GRM1: variants seen among roughly 807,000 people sequenced by gnomAD.
GRM1 encodes the protein metabotropic glutamate receptor 1.
In GRM1, 33 loss-of-function variants were observed where a neutral mutation model predicts 90.9. The observed-to-expected ratio is 0.36, with a 90% CI of 0.28 to 0.49. The LOEUF (loss-of-function observed/expected upper bound fraction) is 0.49. Ranked by LOEUF, GRM1 falls within the 20% of genes least tolerant of loss-of-function variation. The pLI, the probability that GRM1 is intolerant of heterozygous loss-of-function variation, is 0.99. For synonymous variants in GRM1, 700 were observed against 613.2 expected (o/e 1.14, Z -2.09); for missense variants, 1,190 against 1,534.3 (o/e 0.78, Z 3.75).
At chr6:146,212,322 T>C (rs147574463) in intron 2 of GRM1, among the ~76,000 whole-genome samples, 29 of 152,362 alleles carry the variant, frequency 1.9e-4, no homozygotes, top group Non-Finnish European at 4.1e-4. Flanking sequence ...TAATTAATAC[T>C]AATTGACTAT....
chr6:146,271,391 A>G (rs977897073), intron 2 of GRM1, among the ~76,000 whole-genome samples: 2 of 151,968 alleles, frequency 1.3e-5, no homozygotes, highest in African/African-American at 2.4e-5. Flanking sequence ...ACCAGACTGT[A>G]ATGAGGTAGG....
intron 1 of GRM1, among the ~76,000 whole-genome samples, chr6:146,120,575 T>A (rs1434167373): frequency 1.3e-5 from 2 of 152,208 alleles, no homozygotes; most frequent in Admixed American, 6.5e-5. Flanking sequence ...GCTGTGGGTT[T>A]GTCATAAATA....
intron 2 of GRM1, among the ~76,000 whole-genome samples, chr6:146,266,231 T>C (rs1287127167): frequency 1.3e-5 from 2 of 152,120 alleles, no homozygotes; most frequent in African/African-American, 4.8e-5. Context: ...AAAACTACAA[T>C]ATATGTTAGT....
At position 146,343,303 on chromosome 6, in the gene GRM1, C is replaced by A. The variant is rs1336120647; in HGVS notation, c.1187-8947C>A. Among the ~76,000 whole-genome samples, 4 of 152,132 alleles carry A rather than the reference C, an allele frequency of 2.6e-5. No individual in the cohort carries two copies. The East Asian group carries it at 7.7e-4, about 29-fold the overall frequency. ...TCGTGTTTACCAGACTTACCATAAACTTACTTTTTATGGCTTTTTAAAAAA... is the reference window on the plus strand; with the variant it reads ...TCGTGTTTACCAGACTTACCATAAAATTACTTTTTATGGCTTTTTAAAAAA... On this transcript the variant is annotated intron_variant, in intron 3 of 7. Transcript: ENST00000282753.
chr6:146,125,472 T>C (rs2128878583), intron 1 of GRM1, among the ~76,000 whole-genome samples: 1 of 148,642 alleles, frequency 6.7e-6, no homozygotes, highest in African/African-American at 2.5e-5. Context: ...TGCCCCCCCC[T>C]CAACTTTCTC....
intron 1 of GRM1, among the ~76,000 whole-genome samples, chr6:146,059,182 C>G (rs1196625520): frequency 6.6e-6 from 1 of 152,058 alleles, no homozygotes; most frequent in Non-Finnish European, 1.5e-5. Context: ...GCAGCTATAG[C>G]TTCATGAAAT....
At chr6:146,283,426 C>G (rs1782650577) in intron 2 of GRM1, among the ~76,000 whole-genome samples, 1 of 152,106 alleles carries the variant, frequency 6.6e-6, no homozygotes, top group South Asian at 2.1e-4. Context: ...TGTGAGCTAG[C>G]AAGGCACAAG....
chr6:146,202,956 G>A (rs1779354267), intron 2 of GRM1, among the ~76,000 whole-genome samples: 1 of 152,046 alleles, frequency 6.6e-6, no homozygotes, highest in Admixed American at 6.6e-5. Context: ...AGCACTTTGG[G>A]AGGCCAAGGC....
chr6:146,114,065 G>C (rs975686457), intron 1 of GRM1, among the ~76,000 whole-genome samples: 1 of 152,092 alleles, frequency 6.6e-6, no homozygotes, highest in African/African-American at 2.4e-5. Flanking sequence ...GACACGTGTT[G>C]AAATTGAAAA....
At chr6:146,324,742 C>A (rs75520669) in intron 3 of GRM1, among the ~76,000 whole-genome samples, 1 of 152,146 alleles carries the variant, frequency 6.6e-6, no homozygotes, top group Non-Finnish European at 1.5e-5. Context: ...ACTCACCCCC[C>A]GTGGGCTGCA....
chr6:146,071,870 A>C (rs1023991235), intron 1 of GRM1, among the ~76,000 whole-genome samples: 53 of 152,062 alleles, frequency 3.5e-4, no homozygotes, highest in Non-Finnish European at 5.9e-5. Context: ...GCTGCTACTG[A>C]AGTTAGTATG....
chr6:146,386,915 G>A lies in GRM1; in HGVS notation c.1628G>A (p.Cys543Tyr). ...IKVIRKGEVS[C>Y]CWICTACKEN... ...GTTATACGGAAAGGAGAAGTGAGCT[G>A]CTGCTGGATTTGCACGGCCTGCAAA... Residue 543 changes from cysteine (C) to tyrosine (Y), a missense_variant, in exon 6 of 8, where the codon TGC (cysteine) becomes TAC (tyrosine). By Grantham distance (194) the Cys-to-Tyr change is radical (BLOSUM62 -2). Coordinates refer to ENST00000282753, the MANE Select transcript of GRM1 (RefSeq NM_001278064.2). The A allele has an allele frequency of 6.2e-7, 1 of 1,610,568 alleles. No individual in the cohort carries two copies. The highest frequency in any genetic ancestry group is 8.5e-7 in the Non-Finnish European group (1 of 1,176,962).
intron 2 of GRM1, among the ~76,000 whole-genome samples, chr6:146,300,727 C>A (rs1783347908): frequency 6.6e-6 from 1 of 151,924 alleles, no homozygotes; most frequent in South Asian, 2.1e-4. Context: ...GGCTGGGTCA[C>A]TACCCAGCAC....
chr6:146,081,460 A>C (rs1302276588), intron 1 of GRM1, among the ~76,000 whole-genome samples: 1 of 152,190 alleles, frequency 6.6e-6, no homozygotes. Context: ...TGAAAAGAGA[A>C]AAAGAGGAAC....
At chr6:146,078,503 T>C (rs1776261882) in intron 1 of GRM1, among the ~76,000 whole-genome samples, 1 of 152,176 alleles carries the variant, frequency 6.6e-6, no homozygotes, top group African/African-American at 2.4e-5. Context: ...ATAGTTAATA[T>C]GCTGGGAAAG....
intron 2 of GRM1, among the ~76,000 whole-genome samples, chr6:146,220,396 A>AT (rs1446044893): frequency 6.6e-6 from 1 of 152,102 alleles, no homozygotes; most frequent in Non-Finnish European, 1.5e-5. Flanking sequence ...AGAGTATGCT[A>AT]TTTTAATATT....
chr6:146,260,833 TTTTTG>T (rs1781669306), intron 2 of GRM1, among the ~76,000 whole-genome samples: 1 of 131,778 alleles, frequency 7.6e-6, no homozygotes, highest in African/African-American at 3.0e-5. Flanking sequence ...TTTTTTTTTT[TTTTTG>T]CAATTGAGGT....
At chr6:146,282,878 G>T (rs1782625773) in intron 2 of GRM1, among the ~76,000 whole-genome samples, 1 of 152,154 alleles carries the variant, frequency 6.6e-6, no homozygotes, top group African/African-American at 2.4e-5. Flanking sequence ...TAACTGAGAA[G>T]AAATAACATT....
At chr6:146,257,630 A>G (rs1781534726) in intron 2 of GRM1, among the ~76,000 whole-genome samples, 1 of 152,166 alleles carries the variant, frequency 6.6e-6, no homozygotes, top group Admixed American at 6.6e-5. Context: ...ATGTTCCGCT[A>G]TCTACGAGCT....
Sources: allele counts gnomAD v4.1 joint callset (sites outside exome capture counted in the v4.1 genomes callset), GRCh38; gene constraint gnomAD v4.1.1; transcripts MANE v1.5; gene names NCBI Gene and HGNC (gene_info 2026-07-23, HGNC 2026-07-21).